The following SDHAF3 variants were observed in gnomAD, a reference collection of about 807,000 sequenced individuals.
The protein encoded by SDHAF3 is succinate dehydrogenase assembly factor 3, mitochondrial.
In SDHAF3, 18 loss-of-function variants were observed where a neutral mutation model predicts 11.5. The observed-to-expected ratio is 1.56, with a 90% CI of 1.08 to 2.32. SDHAF3 has a LOEUF of 2.32. SDHAF3 is among the 30% of genes most tolerant of loss of function. SDHAF3 has a pLI of 0.00. For missense variants in SDHAF3, 200 were observed against 154.4 expected (o/e 1.30, Z -1.57); for synonymous variants, 72 against 59.3 (o/e 1.21, Z -0.99).
chr7:97,128,228 A>G (rs1040488072), intron 1 of SDHAF3, among the ~76,000 whole-genome samples: 3 of 152,230 alleles, frequency 2.0e-5, no homozygotes, highest in Non-Finnish European at 4.4e-5. Context: ...AAAAAGGGGT[A>G]CAAGAGAAGA....
At chr7:97,174,163 C>T (rs916171114) in intron 1 of SDHAF3, among the ~76,000 whole-genome samples, 1 of 152,182 alleles carries the variant, frequency 6.6e-6, no homozygotes, top group African/African-American at 2.4e-5. Context: ...AAGGGATCCA[C>T]TCAGCTCAGC....
chr7:97,160,054 C>T (rs1235234183), intron 1 of SDHAF3, among the ~76,000 whole-genome samples: 2 of 151,988 alleles, frequency 1.3e-5, no homozygotes, highest in Non-Finnish European at 2.9e-5. Context: ...AGGTGAGGAG[C>T]GCCTCTGCCC....
At chr7:97,122,648 G>C (rs938142703) in intron 1 of SDHAF3, among the ~76,000 whole-genome samples, 8 of 152,158 alleles carry the variant, frequency 5.3e-5, no homozygotes, top group Admixed American at 5.2e-4. Flanking sequence ...AGGAGGAACA[G>C]ATTGGGAATG....
At chr7:97,158,267 C>T (rs376966748) in intron 1 of SDHAF3, among the ~76,000 whole-genome samples, 1 of 152,094 alleles carries the variant, frequency 6.6e-6, no homozygotes, top group Non-Finnish European at 1.5e-5. Flanking sequence ...ACCCATGAAC[C>T]TTTTTTTGTT....
chr7:97,154,032 A>C (rs890902137), intron 1 of SDHAF3, among the ~76,000 whole-genome samples: 1 of 152,220 alleles, frequency 6.6e-6, no homozygotes, highest in Admixed American at 6.5e-5. Flanking sequence ...GAGAGTCAGC[A>C]AAGGGTGGTG....
chr7:97,177,956 A>T (rs1455381970), intron 1 of SDHAF3, among the ~76,000 whole-genome samples: 1 of 152,146 alleles, frequency 6.6e-6, no homozygotes, highest in Non-Finnish European at 1.5e-5. Context: ...TGTTTGTAAT[A>T]ATTTTTAATT....
chr7:97,121,854 G>GTTTTT (rs56186976), intron 1 of SDHAF3, among the ~76,000 whole-genome samples: 3 of 129,924 alleles, frequency 2.3e-5, no homozygotes, highest in Non-Finnish European at 3.3e-5. Context: ...TTTTTTTTTT[G>GTTTTT]TTTTTTTTTT....
intron 1 of SDHAF3, among the ~76,000 whole-genome samples, chr7:97,160,062 C>G (rs1265146021): frequency 6.6e-6 from 1 of 152,028 alleles, no homozygotes; most frequent in Non-Finnish European, 1.5e-5. Context: ...AGCGCCTCTG[C>G]CCGGCTGCCC....
intron 1 of SDHAF3, among the ~76,000 whole-genome samples, chr7:97,130,528 T>C (rs916260098): frequency 3.9e-5 from 6 of 152,154 alleles, no homozygotes; most frequent in Admixed American, 3.9e-4. Context: ...GCTGATCAGC[T>C]TGTTCATGTT....
chr7:97,143,665 C>CTGTGTGTGTGTGTGTGTG (rs3029495), intron 1 of SDHAF3, among the ~76,000 whole-genome samples: 2 of 147,950 alleles, frequency 1.4e-5, no homozygotes, highest in African/African-American at 5.0e-5. Context: ...TAGTGTTCCA[C>CTGTGTGTGTGTGTGTGTG]TGTGTGTGTG....
chr7:97,133,248 A>G (rs560176479), intron 1 of SDHAF3, among the ~76,000 whole-genome samples: 1 of 152,168 alleles, frequency 6.6e-6, no homozygotes, highest in Non-Finnish European at 1.5e-5. Context: ...TAAAGACTTT[A>G]TGTACATTTA....
intron 1 of SDHAF3, among the ~76,000 whole-genome samples, chr7:97,139,428 C>T (rs937441034): frequency 6.6e-6 from 1 of 152,056 alleles, no homozygotes; most frequent in Non-Finnish European, 1.5e-5. Flanking sequence ...AAAACAAAGG[C>T]ACCACTCAAA....
rs548762639 is a variant in SDHAF3 at position 97,177,501 on chromosome 7, CA to C, written c.175-3501del. 1.4e-4 allele frequency among the ~76,000 whole-genome samples: 21 copies of C among 147,168 alleles called. No individual in the cohort carries two copies. The South Asian group carries it at 3.2e-3, about 22-fold the overall frequency. On this transcript the variant is annotated intron_variant, in intron 1 of 1. Transcript: ENST00000432641. ...TGGGCAACAGAGCGAGACTCCGTCT[CA>C]AAAAAAAAATAAGATACCCATTAAA...
chr7:97,167,853 A>G (rs1335283733), intron 1 of SDHAF3, among the ~76,000 whole-genome samples: 1 of 152,218 alleles, frequency 6.6e-6, no homozygotes, highest in African/African-American at 2.4e-5. Flanking sequence ...GAGGCAGACA[A>G]ATGCCTAGGT....
At chr7:97,159,091 C>T (rs951291128) in intron 1 of SDHAF3, among the ~76,000 whole-genome samples, 5 of 152,142 alleles carry the variant, frequency 3.3e-5, no homozygotes, top group African/African-American at 9.7e-5. Context: ...ATGGCATACA[C>T]GTCTTTTAGA....
At position 97,181,028 on chromosome 7, in the gene SDHAF3, T is replaced by C. The variant is rs202062541; in HGVS notation, c.191T>C (p.Leu64Ser). 2.0e-4 allele frequency: 329 copies of C among 1,613,736 alleles called. No individual in the cohort carries two copies. The highest frequency in any genetic ancestry group is 2.5e-4 in the Non-Finnish European group (295 of 1,179,856). The stretch of plus-strand genomic sequence containing the variant: ...TCTTTTTAGGTGTATGCAACAGCGT[T>C]ATTGCAACAGGCTAACGAAAACAGA... ...LQEWEVYATA[L>S]LQQANENRQN... The change falls in exon 2 of 2, where the codon TTA becomes TCA. Residue 64 changes from leucine to serine, a missense_variant. By Grantham distance (145) the Leu-to-Ser change is moderately radical. Transcript: ENST00000432641.
rs756251460 is a variant in SDHAF3, at chr7:97,181,154, A to G, written c.317A>G (p.Gln106Arg). The G allele has an allele frequency of 2.5e-6, 4 of 1,614,072 alleles. No homozygotes were observed. Among genetic ancestry groups the G allele is most frequent in the Middle Eastern group, 1.7e-4 (1 of 6,058 alleles). Residue 106 changes from glutamine (Q) to arginine (R), a missense_variant, in exon 2 of 2, where the codon CAA becomes CGA. Transcript: ENST00000432641. ...EQIGQLQELM[Q>R]EATKPNRQFS... ...ATTGGACAGTTGCAGGAGCTGATGC[A>G]AGAAGCCACAAAACCCAATAGGCAA...
At chr7:97,169,329 A>G (rs1296319021) in intron 1 of SDHAF3, among the ~76,000 whole-genome samples, 1 of 151,702 alleles carries the variant, frequency 6.6e-6, no homozygotes, top group Non-Finnish European at 1.5e-5. Context: ...TATTAATATC[A>G]TGATCGTCTG....
chr7:97,144,000 A>AT (rs1789097827), intron 1 of SDHAF3, among the ~76,000 whole-genome samples: 1 of 151,848 alleles, frequency 6.6e-6, no homozygotes, highest in Admixed American at 6.6e-5. Context: ...AACATCTATT[A>AT]TTTTTTTATT....
Sources: allele counts gnomAD v4.1 joint callset (sites outside exome capture counted in the v4.1 genomes callset), GRCh38; gene constraint gnomAD v4.1.1; transcripts MANE v1.5; gene names NCBI Gene and HGNC (gene_info 2026-07-23, HGNC 2026-07-21).